SLC14A2: variants seen among roughly 807,000 people sequenced by gnomAD.
SLC14A2 encodes solute carrier family 14 member 2.
A neutral mutation model predicts 104.6 loss-of-function variants in SLC14A2; 91 were observed. The ratio of observed to expected loss-of-function variants is 0.87; its 90% confidence interval spans 0.73 to 1.04. SLC14A2 has a LOEUF of 1.04. Ranked by LOEUF, SLC14A2 falls within the 50% of genes least tolerant of loss-of-function variation. SLC14A2 has a pLI of 0.00. For synonymous variants in SLC14A2, 476 were observed against 466.4 expected (o/e 1.02, Z -0.27); for missense variants, 1,189 against 1,156.0 (o/e 1.03, Z -0.41).
intron 1 of SLC14A2, among the ~76,000 whole-genome samples, chr18:45,412,470 T>C (rs1443418739): frequency 1.3e-5 from 2 of 152,150 alleles, no homozygotes; most frequent in Non-Finnish European, 2.9e-5. Flanking sequence ...TATTCTTGGC[T>C]CAAACTGGGG....
chr18:45,627,185 G>A (rs772492809), intron 4 of SLC14A2, 38 bp downstream of exon 4: 2 of 1,576,524 alleles, frequency 1.3e-6, no homozygotes, highest in East Asian at 4.5e-5. Flanking sequence ...CAAGATGTGT[G>A]GAACAGAAAG....
At chr18:45,553,490 A>G (rs538296504) in intron 2 of SLC14A2, among the ~76,000 whole-genome samples, 14 of 152,200 alleles carry the variant, frequency 9.2e-5, no homozygotes, top group Non-Finnish European at 1.6e-4. Context: ...GCATTGATCC[A>G]TAGTTGAGAT....
chr18:45,371,309 A>T (rs532379271), intron 1 of SLC14A2, among the ~76,000 whole-genome samples: 1 of 152,048 alleles, frequency 6.6e-6, no homozygotes, highest in East Asian at 1.9e-4. Flanking sequence ...TTCAAATTCC[A>T]CTTTCCCCAC....
intron 1 of SLC14A2, among the ~76,000 whole-genome samples, chr18:45,326,724 C>G (rs953899506): frequency 1.3e-5 from 2 of 152,226 alleles, no homozygotes; most frequent in African/African-American, 4.8e-5. Flanking sequence ...GCTGGCCTTT[C>G]CAGGCACGCC....
chr18:45,195,252 G>A, the SLC14A2 span, among the ~76,000 whole-genome samples: 1 of 152,112 alleles, frequency 6.6e-6, no homozygotes, highest in African/African-American at 2.4e-5. Flanking sequence ...CCACAATCCA[G>A]GACGACAAAA....
chr18:45,289,799 CA>C (rs1319911089), intron 1 of SLC14A2, among the ~76,000 whole-genome samples: 1 of 152,070 alleles, frequency 6.6e-6, no homozygotes, highest in Non-Finnish European at 1.5e-5. Context: ...ATGTGTCATG[CA>C]AGGAAGGGTT....
intron 1 of SLC14A2, among the ~76,000 whole-genome samples, chr18:45,369,033 C>A (rs1047104025): frequency 3.3e-5 from 5 of 152,144 alleles, no homozygotes; most frequent in African/African-American, 1.2e-4. Context: ...GTGTTTTCAA[C>A]CAGTCCACCT....
intron 1 of SLC14A2, among the ~76,000 whole-genome samples, chr18:45,471,328 TG>T (rs1246026572): frequency 2.6e-5 from 4 of 152,190 alleles, no homozygotes; most frequent in Non-Finnish European, 5.9e-5. Flanking sequence ...TTTCGCTTTT[TG>T]TTTGTTGGGA....
chr18:45,370,786 A>C (rs768019303), intron 1 of SLC14A2, among the ~76,000 whole-genome samples: 6 of 152,140 alleles, frequency 3.9e-5, no homozygotes, highest in East Asian at 1.9e-4. Flanking sequence ...GGAGAGAGAG[A>C]GCGACTGGAA....
At chr18:45,475,650 TATATATATATATATATATATATA>T (rs2087355409) in intron 1 of SLC14A2, among the ~76,000 whole-genome samples, 1 of 23,574 alleles carries the variant, frequency 4.2e-5, no homozygotes, top group Admixed American at 3.0e-4. Flanking sequence ...AGGATATATA[TATATATATATATATATATATATA>T]TATATATATA....
At chr18:45,192,634 G>GTTTTTTTTTT in the SLC14A2 span, among the ~76,000 whole-genome samples, 1 of 112,532 alleles carries the variant, frequency 8.9e-6, no homozygotes, top group Non-Finnish European at 2.1e-5. Flanking sequence ...GTGTGTGTGT[G>GTTTTTTTTTT]TGGTTTTTTT....
At chr18:45,493,174 C>G (rs559984167) in intron 2 of SLC14A2, 6 of 152,392 alleles carry the variant, frequency 3.9e-5, no homozygotes, top group African/African-American at 1.4e-4. Flanking sequence ...TTGTCAAGAG[C>G]ATGTCTTTCA....
At chr18:45,622,090 T>C (rs988133177) in intron 1 of SLC14A2, among the ~76,000 whole-genome samples, 6 of 152,260 alleles carry the variant, frequency 3.9e-5, no homozygotes, top group South Asian at 2.1e-4. Flanking sequence ...TCTGAAAGCA[T>C]TGATGGGCTT....
intron 2 of SLC14A2, among the ~76,000 whole-genome samples, chr18:45,535,643 T>A (rs2043768621): frequency 6.6e-6 from 1 of 152,162 alleles, no homozygotes; most frequent in African/African-American, 2.4e-5. Context: ...TAGGAGTATG[T>A]TTCCAACTGT....
At chr18:45,445,330 T>G (rs982833948) in intron 1 of SLC14A2, among the ~76,000 whole-genome samples, 6 of 152,138 alleles carry the variant, frequency 3.9e-5, no homozygotes, top group Non-Finnish European at 8.8e-5. Context: ...CAGGCAGATC[T>G]CGAACTCCTG....
At chr18:45,427,441 A>G (rs1406918944) in intron 1 of SLC14A2, among the ~76,000 whole-genome samples, 1 of 152,102 alleles carries the variant, frequency 6.6e-6, no homozygotes, top group Non-Finnish European at 1.5e-5. Context: ...TCCCTTGAAG[A>G]CCACCCTGAA....
chr18:45,372,204 C>T (rs944738396), intron 1 of SLC14A2, among the ~76,000 whole-genome samples: 1 of 151,900 alleles, frequency 6.6e-6, no homozygotes, highest in Admixed American at 6.6e-5. Flanking sequence ...CCCAGCTACT[C>T]GGGAGCCTGA....
intron 1 of SLC14A2, among the ~76,000 whole-genome samples, chr18:45,373,697 G>T (rs2085745425): frequency 6.6e-6 from 1 of 152,194 alleles, no homozygotes; most frequent in Non-Finnish European, 1.5e-5. Flanking sequence ...AGTATTAAGT[G>T]TCTGAGGAAG....
At position 45,516,415 on chromosome 18, in the gene SLC14A2, C is replaced by A. The variant is rs572345884; in HGVS notation, c.-35+33093C>A. On this transcript the variant is annotated intron_variant, in intron 2 of 20. Transcript: ENST00000586448. ...TGGCCAAGTCACTCTATTTCTCTGG[C>A]CTTCAGCTTTCTCATTTGTAAAAGG... 5.9e-4 allele frequency among the ~76,000 whole-genome samples: 90 copies of A among 152,232 alleles called. 1 individual carries two copies. Among genetic ancestry groups the A allele is most frequent in the African/African-American group, 2.0e-3 (82 of 41,532 alleles).
Sources: allele counts gnomAD v4.1 joint callset (sites outside exome capture counted in the v4.1 genomes callset), GRCh38; gene constraint gnomAD v4.1.1; transcripts MANE v1.5; gene names NCBI Gene and HGNC (gene_info 2026-07-23, HGNC 2026-07-21).